HERC2: variants seen among roughly 807,000 people sequenced by gnomAD.
HERC2 encodes HECT and RLD domain containing E3 ubiquitin protein ligase 2, also known as E3 ubiquitin-protein ligase HERC2.
HERC2 carries 102 observed loss-of-function variants against 537.7 expected under a neutral mutation model. The ratio of observed to expected loss-of-function variants is 0.19; its 90% CI spans 0.16 to 0.22. The LOEUF is 0.22. Ranked by LOEUF, HERC2 falls within the 10% of genes least tolerant of loss-of-function variation. The probability of loss-of-function intolerance (pLI) is 1.00; values close to 1 mark genes in which losing one functional copy is unlikely to be tolerated. For synonymous variants in HERC2, 2,224 were observed against 2,466.2 expected (o/e 0.90, Z 2.91); for missense variants, 4,236 against 6,198.2 (o/e 0.68, Z 10.63).
In HERC2 at chr15:28,212,479, G is replaced by T. The variant is rs1411789723; in HGVS notation, c.6891C>A (p.His2297Gln). 7 of 1,609,090 alleles carry T rather than the reference G, an allele frequency of 4.4e-6. No homozygotes were observed. The Admixed American group carries it at 1.2e-4, about 27-fold the overall frequency. Reference protein sequence around the residue: ...VNLAGSKLEKHKIKKSTKQAF... With the variant: ...VNLAGSKLEKQKIKKSTKQAF... ...CCTGTTTAGTCGATTTCTTTATTTT[G>T]TGCTTTTCTAACTTGCTTCCAGCGA... Residue 2297 changes from histidine (H) to glutamine (Q), a missense_variant, in exon 43 of 93, where the codon CAC becomes CAA. Physicochemically the swap from His to Gln is conservative, Grantham distance 24 (BLOSUM62 0). Coordinates refer to ENST00000261609, the MANE Select transcript of HERC2 (RefSeq NM_004667.6).
chr15:28,210,473 A>G (rs544975601), intron 44 of HERC2, among the ~76,000 whole-genome samples: 29 of 152,306 alleles, frequency 1.9e-4, no homozygotes, highest in African/African-American at 7.0e-4. Flanking sequence ...TTCGTGTGAT[A>G]AAGTCCCACG....
At chr15:28,136,703 C>T (rs775962199) in intron 78 of HERC2, among the ~76,000 whole-genome samples, 42 of 152,248 alleles carry the variant, frequency 2.8e-4, no homozygotes, top group Non-Finnish European at 4.8e-4. Context: ...CACGGCCACA[C>T]CCACTCATTT....
Position 28,222,566 on chromosome 15 carries a change from A to G in HERC2, c.5465-351T>C, listed in dbSNP as rs1456746735. On this transcript the variant is annotated intron_variant, in intron 35 of 92. Coordinates refer to ENST00000261609, the MANE Select transcript of HERC2 (RefSeq NM_004667.6). Reference sequence around the variant, plus strand: ...GAAAAACAAAGATAACTACCTAAATATCTAACAGTGGGAAACTAACAAACT... The same window carrying G: ...GAAAAACAAAGATAACTACCTAAATGTCTAACAGTGGGAAACTAACAAACT... Among the ~76,000 whole-genome samples, 3 of 152,290 alleles carry G rather than the reference A, an allele frequency of 2.0e-5. No homozygotes were observed. In the East Asian group the frequency reaches 5.8e-4, roughly 29 times the overall value.
At chr15:28,188,333 G>T (rs1314707742) in intron 55 of HERC2, among the ~76,000 whole-genome samples, 1 of 152,042 alleles carries the variant, frequency 6.6e-6, no homozygotes, top group Non-Finnish European at 1.5e-5. Flanking sequence ...ACGAAGTCAG[G>T]AGATCGAGAC....
At chr15:28,146,724 G>A (rs1339595753) in intron 70 of HERC2, among the ~76,000 whole-genome samples, 1 of 150,104 alleles carries the variant, frequency 6.7e-6, no homozygotes, top group Non-Finnish European at 1.5e-5. Flanking sequence ...GGAGTGAGCG[G>A]CATTGGAGGT....
chr15:28,266,029 T>C (rs1050453482), intron 12 of HERC2, 55 bp from the exon 13 acceptor site: 7 of 1,582,292 alleles, frequency 4.4e-6, no homozygotes, highest in Admixed American at 3.4e-5. Flanking sequence ...TTATTTCTTA[T>C]TAATGTTAAC....
Position 28,274,306 on chromosome 15 carries a change from C to A in HERC2, c.785G>T (p.Arg262Met), listed in dbSNP as rs143576992. ...AAGAACTCACCCCGTCACGACGGAC[C>A]TGAGGAACCTGGTCGCTCTCTCCAC... ...EVVERATRFLRSVVTGDVHGT... is the reference protein window; with the variant it reads ...EVVERATRFLMSVVTGDVHGT... The change falls in exon 7 of 93, where the codon AGG becomes ATG. Residue 262 changes from arginine (R) to methionine (M), a missense_variant. This residue lies in a region of HERC2 where 491 missense variants were observed against 559.3 expected (regional missense o/e 0.88). Transcript: ENST00000261609. 3.1e-6 allele frequency: 5 copies of A among 1,614,104 alleles called. No individual in the cohort carries two copies. The highest frequency in any genetic ancestry group is 4.2e-6 in the Non-Finnish European group (5 of 1,180,030).
At position 28,113,989 on chromosome 15, in the gene HERC2, G is replaced by GCATC. The variant is rs375601172; in HGVS notation, c.13914-315_13914-312dup. Among the ~76,000 whole-genome samples, 358 of 152,282 alleles carry GCATC rather than the reference G, an allele frequency of 2.4e-3. 4 individuals carry two copies. The highest frequency in any genetic ancestry group is 8.4e-3 in the African/African-American group (347 of 41,554). On this transcript the variant is annotated intron_variant, in intron 90 of 92. Transcript: ENST00000261609. This position sits in a 1 kb window ranked among gnomAD's most constrained non-coding sequence, Gnocchi z 7.0. ...CAGCACCAAGAGGGGAAACACATGT[G>GCATC]CATCCGCCCCAGGCCCGAGACACTG... is the stretch of plus-strand genomic sequence containing the variant.
At chr15:28,139,158 A>C (rs563800808) in intron 78 of HERC2, among the ~76,000 whole-genome samples, 3 of 152,262 alleles carry the variant, frequency 2.0e-5, no homozygotes, top group Non-Finnish European at 4.4e-5. Flanking sequence ...CCAAGCCTGC[A>C]TATCTCCAAG....
intron 79 of HERC2, among the ~76,000 whole-genome samples, chr15:28,135,031 C>A (rs1243054621): frequency 6.6e-6 from 1 of 152,152 alleles, no homozygotes; most frequent in Admixed American, 6.5e-5. Flanking sequence ...GCCCCTGTTA[C>A]TCCAATCTGG....
At chr15:28,248,933 G>C (rs974650646) in intron 20 of HERC2, among the ~76,000 whole-genome samples, 197 bp from the exon 21 acceptor site, 1 of 152,144 alleles carries the variant, frequency 6.6e-6, no homozygotes, top group African/African-American at 2.4e-5. Context: ...AGAAGGGCAC[G>C]GAAGGCTCAA....
chr15:28,275,419 G>A (rs919829458), intron 5 of HERC2, among the ~76,000 whole-genome samples: 7 of 152,328 alleles, frequency 4.6e-5, no homozygotes, highest in East Asian at 1.9e-4. Flanking sequence ...CCCCAGCTCC[G>A]GCGTCCTCCA....
intron 9 of HERC2, among the ~76,000 whole-genome samples, chr15:28,271,302 T>C (rs2075720808): frequency 6.6e-6 from 1 of 152,208 alleles, no homozygotes; most frequent in South Asian, 2.1e-4. Context: ...TACTTTCATT[T>C]GCAAATTAAA....
At chr15:28,276,192 C>A (rs146693131) in intron 5 of HERC2, among the ~76,000 whole-genome samples, 48 of 70,098 alleles carry the variant, frequency 6.8e-4, no homozygotes, top group Non-Finnish European at 8.3e-4. Flanking sequence ...TCTCAAAAAA[C>A]AAAAAAAAAA....
chr15:28,242,129 CAG>C (rs1268998408), intron 23 of HERC2, among the ~76,000 whole-genome samples: 1 of 152,118 alleles, frequency 6.6e-6, no homozygotes. Flanking sequence ...AATTCAGACA[CAG>C]AAAGTAGAAT....
In HERC2 at chr15:28,132,149, T is replaced by C. The variant is rs1190945197; in HGVS notation, c.12521A>G (p.Tyr4174Cys). The change falls in exon 81 of 93, where the codon TAC becomes TGC. Residue 4174 changes from tyrosine to cysteine, a missense_variant. By Grantham distance (194) the Tyr-to-Cys change is radical. Around this residue, in one of 27 missense-constraint regions of HERC2, gnomAD observed 7 missense variants for 26.9 expected, o/e 0.26. Transcript: ENST00000261609. ...DTVWSWGDGD[Y>C]GKLGRGGSDG... ...GCTGCCTCCCCGGCCGAGCTTGCCG[T>C]AGTCCCCGTCCCCCCAGGACCAGAC... The C allele has an allele frequency of 6.2e-7, 1 of 1,613,378 alleles. No individual in the cohort carries two copies. Among genetic ancestry groups the C allele is most frequent in the South Asian group, 1.1e-5 (1 of 90,976 alleles).
Position 28,215,169 on chromosome 15 carries a change from G to A in HERC2, c.6211-367C>T, listed in dbSNP as rs368164074. Among the ~76,000 whole-genome samples, 10 of 152,152 alleles carry A rather than the reference G, an allele frequency of 6.6e-5. No homozygotes were observed. In the East Asian group the frequency reaches 1.2e-3, roughly 18 times the overall value. On this transcript the variant is annotated intron_variant, in intron 39 of 92. Coordinates refer to ENST00000261609, the MANE Select transcript of HERC2 (RefSeq NM_004667.6). The stretch of plus-strand genomic sequence containing the variant: ...TGGGATTACAGGCATGAGCCACTGC[G>A]CCCGGCCTCTCTTTATTTTCTGTTC...
chr15:28,128,749 A>G (rs1889779554), intron 83 of HERC2, among the ~76,000 whole-genome samples: 1 of 152,210 alleles, frequency 6.6e-6, no homozygotes, highest in Non-Finnish European at 1.5e-5. Flanking sequence ...GCAGGTGAGA[A>G]GCCCCGCATG....
chr15:28,132,318 G>A lies in HERC2; in HGVS notation c.12409-57C>T, dbSNP rs193135445. On this transcript the variant is annotated intron_variant, in intron 80 of 92. Transcript: ENST00000261609. The stretch of plus-strand genomic sequence containing the variant: ...CACAACACAAGAAGGCTTGCCACAG[G>A]ACTGGCTTCACAACACTGCCATTCT... The A allele has an allele frequency of 4.2e-4, 635 of 1,496,794 alleles. 8 individuals are homozygous for A. The Middle Eastern group carries it at 0.023, about 55-fold the overall frequency. The allele number at this position is 1,496,794 out of a possible 1,614,324, so 92.7% of individuals were successfully genotyped here.
Sources: allele counts gnomAD v4.1 joint callset (sites outside exome capture counted in the v4.1 genomes callset), GRCh38; gene constraint gnomAD v4.1.1; regional missense constraint gnomAD v4.1.1; non-coding constraint Gnocchi (gnomAD v3.1); transcripts MANE v1.5; gene names NCBI Gene and HGNC (gene_info 2026-07-23, HGNC 2026-07-21).